Variants in WASL observed in about 807,000 individuals in gnomAD.
The protein encoded by WASL is actin nucleation-promoting factor WASL.
WASL carries 20 observed loss-of-function variants against 55.5 expected under a neutral mutation model. That is an observed-to-expected ratio of 0.36 (90% CI 0.25 to 0.52). WASL has a LOEUF of 0.52. WASL is among the 20% of genes least tolerant of loss of function. The probability of loss-of-function intolerance (pLI) is 0.92; values close to 1 mark genes in which losing one functional copy is unlikely to be tolerated. For missense variants in WASL, 504 were observed against 622.5 expected, an observed-to-expected ratio of 0.81 and a Z score of 2.03; for synonymous variants, 249 against 217.6, an observed-to-expected ratio of 1.14 and a Z score of -1.27.
chr7:123,732,252 C>T (rs1263426927), intron 1 of WASL, among the ~76,000 whole-genome samples: 3 of 152,146 alleles, frequency 2.0e-5, no homozygotes, highest in African/African-American at 4.8e-5. Context: ...ATGGCGTGAA[C>T]CCGGGAGGCG....
In WASL at chr7:123,684,000, T is replaced by G. The variant is rs1803244681; in HGVS notation, c.*519A>C. On this transcript the variant is annotated 3_prime_UTR_variant, in exon 11 of 11. Transcript: ENST00000223023. ...GCTAAAATTTGAGAAACTACATCGG[T>G]GTAGTGATGTCTACAGAACTGTGCA... 6.6e-6 allele frequency: 1 copy of G among 151,970 alleles called. No homozygotes were observed. The highest frequency in any genetic ancestry group is 1.5e-5 in the Non-Finnish European group (1 of 67,922). The allele number at this position is 151,970 out of a possible 1,614,324, so 9.4% of individuals were successfully genotyped here. A position where few individuals can be genotyped will look rare whatever the true frequency, so the allele number is the denominator to read the frequency against.
chr7:123,721,841 C>T (rs1384855259), intron 1 of WASL, among the ~76,000 whole-genome samples: 1 of 152,046 alleles, frequency 6.6e-6, no homozygotes, highest in African/African-American at 2.4e-5. Context: ...AATGCTTGAA[C>T]CCAGGAGACA....
intron 1 of WASL, among the ~76,000 whole-genome samples, chr7:123,726,949 T>C (rs534226782): frequency 2.6e-5 from 4 of 152,188 alleles, no homozygotes; most frequent in African/African-American, 7.2e-5. Flanking sequence ...TAATCTTGTG[T>C]CCAGAATATA....
chr7:123,696,309 CAAT>C (rs1201781492), intron 6 of WASL, among the ~76,000 whole-genome samples: 2 of 150,260 alleles, frequency 1.3e-5, no homozygotes, highest in African/African-American at 4.9e-5. Flanking sequence ...TTTTTATGTT[CAAT>C]AATTAGTTGA....
intron 1 of WASL, among the ~76,000 whole-genome samples, chr7:123,723,229 AT>A (rs1408469561): frequency 6.6e-6 from 1 of 152,326 alleles, no homozygotes; most frequent in Non-Finnish European, 1.5e-5. Flanking sequence ...TTAAGGCTCT[AT>A]TACTAGCCAA....
At position 123,721,717 on chromosome 7, in the gene WASL, A is replaced by G. The variant is rs150292843; in HGVS notation, c.118-12494T>C. 3.4e-3 allele frequency among the ~76,000 whole-genome samples: 522 copies of G among 152,254 alleles called. 3 individuals are homozygous for G. The highest frequency in any genetic ancestry group is 0.012 in the African/African-American group (498 of 41,538). On this transcript the variant is annotated intron_variant, in intron 1 of 10. Coordinates refer to ENST00000223023, the MANE Select transcript of WASL (RefSeq NM_003941.4). ...AAGGAGAGTGGATCACCTGAGGACCAGCATGTCCAACATGATGAAACCCTG... is the reference window on the plus strand; with the variant it reads ...AAGGAGAGTGGATCACCTGAGGACCGGCATGTCCAACATGATGAAACCCTG...
chr7:123,701,530 A>G (rs1246113810), intron 5 of WASL, among the ~76,000 whole-genome samples: 1 of 152,254 alleles, frequency 6.6e-6, no homozygotes, highest in African/African-American at 2.4e-5. Context: ...TAAAGAAATT[A>G]GGAGTGAGGA....
chr7:123,733,378 C>T (rs906034150), intron 1 of WASL, among the ~76,000 whole-genome samples: 17 of 152,024 alleles, frequency 1.1e-4, no homozygotes, highest in African/African-American at 4.1e-4. Context: ...GACCAATTAA[C>T]ACCTGAAATT....
intron 4 of WASL, among the ~76,000 whole-genome samples, chr7:123,704,909 G>A (rs1297336983): frequency 6.6e-6 from 1 of 152,204 alleles, no homozygotes; most frequent in East Asian, 1.9e-4. Flanking sequence ...AAATGGCACA[G>A]TGAAAGGAGA....
At chr7:123,706,865 A>G in intron 2 of WASL, 39 bp from the exon 3 acceptor site, 1 of 1,265,682 alleles carries the variant, frequency 7.9e-7, no homozygotes, top group Non-Finnish European at 1.1e-6. Context: ...AACTACCAAA[A>G]CATAATCTCT....
intron 7 of WASL, 114 bp downstream of exon 7, chr7:123,695,709 C>T (rs1295316872): frequency 6.0e-6 from 6 of 992,492 alleles, no homozygotes; most frequent in Non-Finnish European, 7.5e-6. Context: ...ACATAAAACA[C>T]AAGCACATTC....
At chr7:123,714,911 G>A (rs1803814774) in intron 1 of WASL, among the ~76,000 whole-genome samples, 1 of 152,126 alleles carries the variant, frequency 6.6e-6, no homozygotes, top group Admixed American at 6.5e-5. Context: ...GAGTAAGTAT[G>A]GAGGAAATGG....
At chr7:123,737,884 A>T in intron 1 of WASL, among the ~76,000 whole-genome samples, 1 of 152,298 alleles carries the variant, frequency 6.6e-6, no homozygotes, top group African/African-American at 2.4e-5. Flanking sequence ...ACAATGACCA[A>T]AACCAAGTAC....
intron 5 of WASL, among the ~76,000 whole-genome samples, chr7:123,703,080 A>G (rs941501497): frequency 6.6e-6 from 1 of 152,200 alleles, no homozygotes; most frequent in South Asian, 2.1e-4. Context: ...TACTACATTA[A>G]AAGTTCACAG....
At chr7:123,725,633 T>A (rs531171038) in intron 1 of WASL, among the ~76,000 whole-genome samples, 8 of 152,268 alleles carry the variant, frequency 5.3e-5, no homozygotes, top group African/African-American at 1.9e-4. Flanking sequence ...TTACTTGTAT[T>A]TTCTTATTTA....
intron 5 of WASL, among the ~76,000 whole-genome samples, chr7:123,698,459 T>C (rs1188688095): frequency 6.6e-6 from 1 of 152,112 alleles, no homozygotes; most frequent in African/African-American, 2.4e-5. Flanking sequence ...GAAAGCCATG[T>C]CACCTTATCA....
intron 10 of WASL, among the ~76,000 whole-genome samples, chr7:123,688,567 G>A (rs1480419257): frequency 1.3e-5 from 2 of 152,030 alleles, no homozygotes; most frequent in African/African-American, 4.8e-5. Flanking sequence ...TCTCCATGTA[G>A]GCCAGGCTGG....
Position 123,682,681 on chromosome 7 carries a change from TTAAAA to T in WASL, c.*1833_*1837del, listed in dbSNP as rs2116757986. On this transcript the variant is annotated 3_prime_UTR_variant, in exon 11 of 11. Coordinates refer to ENST00000223023, the MANE Select transcript of WASL (RefSeq NM_003941.4). ...AAAAAATTTTTTCAATTAACATTAC[TTAAAA>T]TAATTATAATGTTCCATTTAACTTT... The T allele has an allele frequency of 6.6e-6, 1 of 152,256 alleles. No individual in the cohort carries two copies. Among genetic ancestry groups the T allele is most frequent in the East Asian group, 1.9e-4 (1 of 5,188 alleles). 9.4% of individuals were successfully genotyped at this position (152,256 alleles called of 1,614,324 possible). A position where few individuals can be genotyped will look rare whatever the true frequency, so the allele number is the denominator to read the frequency against.
intron 1 of WASL, among the ~76,000 whole-genome samples, chr7:123,742,735 T>C (rs976552495): frequency 1.3e-5 from 2 of 152,344 alleles, no homozygotes; most frequent in East Asian, 3.9e-4. Context: ...TAATGCTTTT[T>C]TATTCTGTTC....
Sources: allele counts gnomAD v4.1 joint callset (sites outside exome capture counted in the v4.1 genomes callset), GRCh38; gene constraint gnomAD v4.1.1; transcripts MANE v1.5; gene names NCBI Gene and HGNC (gene_info 2026-07-23, HGNC 2026-07-21).